The following MEF2C variants were observed in gnomAD, a reference collection of about 807,000 sequenced individuals.
MEF2C encodes the protein myocyte enhancer factor 2C.
A neutral mutation model predicts 50.5 loss-of-function variants in MEF2C; 6 were observed. The observed-to-expected ratio is 0.12, with a 90% CI of 0.07 to 0.23. The LOEUF is 0.23. Ranked by LOEUF, MEF2C falls within the 10% of genes least tolerant of loss-of-function variation. The pLI, the probability that MEF2C is intolerant of heterozygous loss-of-function variation, is 1.00. For missense variants in MEF2C, 276 were observed against 605.0 expected, an observed-to-expected ratio of 0.46 and a Z score of 5.70; for synonymous variants, 183 against 228.0, an observed-to-expected ratio of 0.80 and a Z score of 1.78.
chr5:88,881,652 T>C (rs1308933334), intron 1 of MEF2C, among the ~76,000 whole-genome samples: 1 of 152,134 alleles, frequency 6.6e-6, no homozygotes, highest in Admixed American at 6.5e-5. Context: ...ATTGGAGTTA[T>C]TATACTCCAC....
At chr5:88,886,346 T>G (rs183440404), upstream of MEF2C, among the ~76,000 whole-genome samples, 704 of 152,354 alleles carry the variant, frequency 4.6e-3, 10 homozygotes, top group African/African-American at 0.016. Context: ...AAAATCATCC[T>G]GATCCTTGCC....
intron 1 of MEF2C, among the ~76,000 whole-genome samples, chr5:88,831,267 T>C (rs1479298090): frequency 6.6e-6 from 1 of 152,086 alleles, no homozygotes; most frequent in Non-Finnish European, 1.5e-5. Flanking sequence ...TGTCGAAATG[T>C]GTAAATAAAA....
intron 4 of MEF2C, chr5:88,752,849 A>C: frequency 1.4e-6 from 1 of 733,524 alleles, no homozygotes; most frequent in Non-Finnish European, 1.7e-6. Context: ...TGCTGTACTA[A>C]CTAGATGAAC....
intron 3 of MEF2C, among the ~76,000 whole-genome samples, chr5:88,792,568 G>T (rs1409387105): frequency 6.6e-6 from 1 of 152,110 alleles, no homozygotes; most frequent in Non-Finnish European, 1.5e-5. Context: ...TCATATTTCA[G>T]TCTAGACCAG....
chr5:88,737,689 C>A (rs1764697336), intron 6 of MEF2C: 1 of 985,152 alleles, frequency 1.0e-6, no homozygotes, highest in South Asian at 4.7e-5. Flanking sequence ...AGAAGGAATG[C>A]AGGACAGAGA....
chr5:88,898,178 T>A (rs964070983), intron 1 of MEF2C, among the ~76,000 whole-genome samples: 1 of 152,134 alleles, frequency 6.6e-6, no homozygotes, highest in African/African-American at 2.4e-5. Context: ...CCTTTCAAGA[T>A]AGTAAGATGA....
At chr5:88,748,929 C>G in intron 6 of MEF2C, 141 bp downstream of exon 6, 1 of 1,511,842 alleles carries the variant, frequency 6.6e-7, no homozygotes, top group South Asian at 1.3e-5. Context: ...CAGAAAAGTG[C>G]TTTAAAAATT....
At chr5:88,786,166 T>C (rs192511494) in intron 3 of MEF2C, among the ~76,000 whole-genome samples, 8 of 152,284 alleles carry the variant, frequency 5.3e-5, no homozygotes, top group Admixed American at 2.0e-4. Flanking sequence ...CCTCCACATA[T>C]TGTGAAGCAG....
At chr5:88,876,553 T>A (rs1048769362) in intron 1 of MEF2C, among the ~76,000 whole-genome samples, 2 of 152,014 alleles carry the variant, frequency 1.3e-5, no homozygotes, top group Non-Finnish European at 2.9e-5. Context: ...GTTTATTAAG[T>A]AGCAGACAAA....
chr5:88,735,367 T>C lies in MEF2C; in HGVS notation c.638-3466A>G, dbSNP rs543233035. The C allele has an allele frequency of 1.4e-4, 138 of 985,380 alleles. No individual in the cohort carries two copies. In the African/African-American group the frequency reaches 2.2e-3, roughly 16 times the overall value. 61.0% of individuals were successfully genotyped at this position (985,380 alleles called of 1,614,324 possible). ...CCTTTTTTCATGCTATGTTTTAAAA[T>C]TACCCTCTGCCTGGACAATTATCAA... On this transcript the variant is annotated intron_variant, in intron 6 of 10. Coordinates refer to ENST00000504921, the MANE Select transcript of MEF2C (RefSeq NM_002397.5).
At chr5:88,857,724 C>A (rs890515616) in intron 1 of MEF2C, among the ~76,000 whole-genome samples, 2 of 152,206 alleles carry the variant, frequency 1.3e-5, no homozygotes, top group East Asian at 3.8e-4. Context: ...CCTCTCCTGC[C>A]ACCCTGTGAA....
At chr5:88,856,293 C>T (rs886954929) in intron 1 of MEF2C, among the ~76,000 whole-genome samples, 4 of 152,186 alleles carry the variant, frequency 2.6e-5, no homozygotes, top group African/African-American at 9.7e-5. Flanking sequence ...CTCTTAAAAT[C>T]ATTGAGCTTT....
intron 1 of MEF2C, among the ~76,000 whole-genome samples, chr5:88,840,328 A>G (rs898213283): frequency 6.6e-6 from 1 of 152,114 alleles, no homozygotes; most frequent in East Asian, 1.9e-4. Context: ...ATACACTTCA[A>G]TATTGTGTAT....
intron 2 of MEF2C, among the ~76,000 whole-genome samples, chr5:88,815,720 T>C (rs750441831): frequency 6.6e-6 from 1 of 152,112 alleles, no homozygotes; most frequent in Non-Finnish European, 1.5e-5. Context: ...CTAATAATTT[T>C]TGAAGTAGTT....
chr5:88,786,425 C>G (rs776700607), intron 3 of MEF2C, among the ~76,000 whole-genome samples: 2 of 152,096 alleles, frequency 1.3e-5, no homozygotes, highest in Non-Finnish European at 2.9e-5. Flanking sequence ...TTTCCAGCCT[C>G]TCAGCCAGAT....
chr5:88,748,327 C>T, intron 6 of MEF2C: 1 of 367,594 alleles, frequency 2.7e-6, no homozygotes, highest in South Asian at 1.1e-4. Flanking sequence ...AAATGTATAG[C>T]ATGTTCCAGC....
intron 6 of MEF2C, chr5:88,734,303 A>G (rs962627389): frequency 1.0e-6 from 1 of 985,292 alleles, no homozygotes; most frequent in African/African-American, 1.7e-5. Flanking sequence ...TCTGGTTTAT[A>G]TAAACAATCA....
intron 3 of MEF2C, among the ~76,000 whole-genome samples, chr5:88,763,943 C>T (rs1209420162): frequency 6.6e-6 from 1 of 152,202 alleles, no homozygotes; most frequent in African/African-American, 2.4e-5. Context: ...TGAGCCATGG[C>T]ACCCTGCCAA....
chr5:88,740,067 G>A (rs1006618281), intron 6 of MEF2C: 1 of 985,148 alleles, frequency 1.0e-6, no homozygotes, highest in African/African-American at 1.7e-5. Context: ...CCAAAGCCAA[G>A]AACTATTCTT....
Sources: allele counts gnomAD v4.1 joint callset (sites outside exome capture counted in the v4.1 genomes callset), GRCh38; gene constraint gnomAD v4.1.1; transcripts MANE v1.5; gene names NCBI Gene and HGNC (gene_info 2026-07-23, HGNC 2026-07-21).